CDH11: variants seen among roughly 807,000 people sequenced by gnomAD.
The protein encoded by CDH11 is cadherin-11.
Under a neutral mutation model 67.8 loss-of-function variants are expected in CDH11, and 11 were observed. The ratio of observed to expected loss-of-function variants is 0.16; its 90% CI spans 0.10 to 0.27. The LOEUF (loss-of-function observed/expected upper bound fraction) is 0.27. Ranked by LOEUF, CDH11 falls within the 10% of genes least tolerant of loss-of-function variation. The probability of loss-of-function intolerance (pLI) is 1.00; values close to 1 mark genes in which losing one functional copy is unlikely to be tolerated. For synonymous variants in CDH11, 419 were observed against 400.0 expected (o/e 1.05, Z -0.57); for missense variants, 847 against 1,031.2 (o/e 0.82, Z 2.45).
At chr16:65,028,327 G>T (rs953994552) in intron 2 of CDH11, among the ~76,000 whole-genome samples, 1 of 151,980 alleles carries the variant, frequency 6.6e-6, no homozygotes, top group Non-Finnish European at 1.5e-5. Flanking sequence ...GGGTCCTGTC[G>T]GGGCAGAGGA....
chr16:64,948,018 T>A lies in CDH11; in HGVS notation c.1976A>T (p.Asn659Ile), dbSNP rs762560368. Residue 659 changes from asparagine to isoleucine, a missense_variant, in exon 13 of 13, where the codon AAC becomes ATC. By Grantham distance (149) the Asn-to-Ile change is moderately radical (BLOSUM62 -3). Transcript: ENST00000268603. The stretch of plus-strand genomic sequence containing the variant: ...CCCTTCATCATCATAAGTAATGATG[T>A]TCTCACGGACATCTTCTTCCTCAAA... ...IVFEEEDVRE[N>I]IITYDDEGGG... 1 of 1,614,130 alleles carries A rather than the reference T, an allele frequency of 6.2e-7. No homozygotes were observed. The highest frequency in any genetic ancestry group is 1.7e-5 in the Admixed American group (1 of 60,022).
In CDH11 at chr16:65,039,524, G is replaced by C. The variant is rs539492234; in HGVS notation, c.-173+14280C>G. Among the ~76,000 whole-genome samples the C allele has an allele frequency of 5.3e-5, 8 of 152,290 alleles. No individual in the cohort carries two copies. In the East Asian group the frequency reaches 7.7e-4, roughly 15 times the overall value. On this transcript the variant is annotated intron_variant, in intron 2 of 12. Coordinates refer to ENST00000268603, the MANE Select transcript of CDH11 (RefSeq NM_001797.4). ...GCTAGCCATATGTAGAAAGCTGAAA[G>C]TGGATCCCTTCCTTACACCTTCTAC...
At chr16:65,066,798 G>A (rs995702564) in intron 1 of CDH11, among the ~76,000 whole-genome samples, 2 of 152,210 alleles carry the variant, frequency 1.3e-5, no homozygotes, top group African/African-American at 4.8e-5. Context: ...CAGAAACTCT[G>A]TCATCTGCAT....
At chr16:65,085,376 C>T (rs1487467502) in intron 1 of CDH11, among the ~76,000 whole-genome samples, 1 of 152,200 alleles carries the variant, frequency 6.6e-6, no homozygotes, top group African/African-American at 2.4e-5. Context: ...TCTCCACAAG[C>T]TTGAGGTTCC....
At chr16:65,060,223 C>T (rs937355391) in intron 1 of CDH11, among the ~76,000 whole-genome samples, 3 of 151,988 alleles carry the variant, frequency 2.0e-5, no homozygotes, top group Non-Finnish European at 2.9e-5. Flanking sequence ...TCTAGATTTC[C>T]CTTGCTCCAA....
At position 64,944,425 on chromosome 16, in the gene CDH11, G is replaced by C. The variant is rs2071160233; in HGVS notation, c.*3178C>G. On this transcript the variant is annotated 3_prime_UTR_variant, in exon 13 of 13. Transcript: ENST00000268603. The stretch of plus-strand genomic sequence containing the variant: ...TGACCTTTGCAAAAGCCCTCCTGGG[G>C]CACACCTCTGGGTTTATATGCTCCT... 4.3e-6 allele frequency: 1 copy of C among 232,686 alleles called. No individual in the cohort carries two copies. Among genetic ancestry groups the C allele is most frequent in the East Asian group, 6.1e-5 (1 of 16,528 alleles). The allele number at this position is 232,686 out of a possible 1,614,324, so 14.4% of individuals were successfully genotyped here. A position where few individuals can be genotyped will look rare whatever the true frequency, so the allele number is the denominator to read the frequency against.
chr16:64,989,263 T>C (rs1311625391), intron 6 of CDH11, among the ~76,000 whole-genome samples: 1 of 151,716 alleles, frequency 6.6e-6, no homozygotes, highest in Non-Finnish European at 1.5e-5. Flanking sequence ...CCATGAGTGA[T>C]TGTGTGGGCA....
At chr16:65,017,198 T>C (rs2073328566) in intron 2 of CDH11, among the ~76,000 whole-genome samples, 1 of 152,128 alleles carries the variant, frequency 6.6e-6, no homozygotes, top group Non-Finnish European at 1.5e-5. Context: ...GAAGAATGCC[T>C]AACCTCCTGG....
intron 11 of CDH11, among the ~76,000 whole-genome samples, chr16:64,953,712 GTA>G (rs2071426219): frequency 6.6e-6 from 1 of 151,864 alleles, no homozygotes. Context: ...TTCTCTTCTT[GTA>G]TATGTTTTCA....
At chr16:65,038,206 G>A (rs984463087) in intron 2 of CDH11, among the ~76,000 whole-genome samples, 5 of 152,046 alleles carry the variant, frequency 3.3e-5, no homozygotes, top group African/African-American at 1.2e-4. Context: ...GCTCTGGCAG[G>A]GGGATTACAA....
chr16:64,976,957 C>T (rs2072190615), intron 8 of CDH11, among the ~76,000 whole-genome samples: 1 of 152,064 alleles, frequency 6.6e-6, no homozygotes, highest in African/African-American at 2.4e-5. Flanking sequence ...TTTTGGGGAG[C>T]TGAGCCAGGA....
intron 1 of CDH11, chr16:65,072,217 C>G (rs1209177419): frequency 6.6e-6 from 1 of 152,572 alleles, no homozygotes; most frequent in Non-Finnish European, 1.5e-5. Context: ...CAGCTTTGTT[C>G]TGGACAGACG....
rs2071164001 is a variant in CDH11, at chr16:64,944,650, T to G, written c.*2953A>C. The G allele has an allele frequency of 4.3e-6, 1 of 231,510 alleles. No individual in the cohort carries two copies. Among genetic ancestry groups the G allele is most frequent in the South Asian group, 1.8e-4 (1 of 5,518 alleles). The allele number at this position is 231,510 out of a possible 1,614,324, so 14.3% of individuals were successfully genotyped here. On this transcript the variant is annotated 3_prime_UTR_variant, in exon 13 of 13. Transcript: ENST00000268603. ...ACATACAGAGCCATGATCTCTATAT[T>G]TTTAAGCAATTCTCCAAGAGGTGCA...
intron 7 of CDH11, among the ~76,000 whole-genome samples, chr16:64,983,653 A>G (rs139035148): frequency 1.3e-5 from 2 of 152,292 alleles, no homozygotes; most frequent in East Asian, 3.9e-4. Flanking sequence ...ATCTTCCCAG[A>G]GTCAGGAAAC....
chr16:65,091,792 C>A (rs2074797431), intron 1 of CDH11, among the ~76,000 whole-genome samples: 1 of 152,216 alleles, frequency 6.6e-6, no homozygotes, highest in Admixed American at 6.5e-5. Flanking sequence ...ACCTCGTGAT[C>A]CACCCGAGAT....
upstream of CDH11, among the ~76,000 whole-genome samples, chr16:65,123,391 A>T (rs1276199725): frequency 6.6e-6 from 1 of 151,920 alleles, no homozygotes; most frequent in African/African-American, 2.4e-5. Flanking sequence ...CTGCGGAGGG[A>T]AAGCTGGGCG....
chr16:65,052,458 G>A (rs1370206607), intron 2 of CDH11, among the ~76,000 whole-genome samples: 4 of 152,188 alleles, frequency 2.6e-5, no homozygotes, highest in African/African-American at 4.8e-5. Flanking sequence ...CTTATGAGGT[G>A]AGAGAGATTA....
At chr16:65,107,692 T>C (rs2075087175) in intron 1 of CDH11, among the ~76,000 whole-genome samples, 1 of 152,210 alleles carries the variant, frequency 6.6e-6, no homozygotes, top group Admixed American at 6.5e-5. Flanking sequence ...GCTTATAAAC[T>C]CTGCTCGGGC....
rs1029075626 is a variant in CDH11 at position 65,121,944 on chromosome 16, G to C, written c.-362C>G. 5.7e-6 allele frequency: 4 copies of C among 701,830 alleles called. No individual in the cohort carries two copies. Among genetic ancestry groups the C allele is most frequent in the Middle Eastern group, 2.3e-4 (1 of 4,358 alleles). The allele number at this position is 701,830 out of a possible 1,614,324, so 43.5% of individuals were successfully genotyped here. A position where few individuals can be genotyped will look rare whatever the true frequency, so the allele number is the denominator to read the frequency against. ...GTCCCTGGCGCAGGGCAAGCGCTGC[G>C]GTGTCAGTCCCGGCCCCAGTCCCGG... is the stretch of plus-strand genomic sequence containing the variant. On this transcript the variant is annotated 5_prime_UTR_variant, in exon 1 of 13. Coordinates refer to ENST00000268603, the MANE Select transcript of CDH11 (RefSeq NM_001797.4). This position sits in a 1 kb window ranked among gnomAD's most constrained non-coding sequence, Gnocchi z 4.1.
Sources: gnomAD v4.1 joint callset for allele counts (sites outside exome capture counted in the v4.1 genomes callset) on GRCh38, gnomAD v4.1.1 for gene constraint, Gnocchi (gnomAD v3.1) non-coding constraint, MANE v1.5 for transcripts, NCBI Gene and HGNC (gene_info 2026-07-23, HGNC 2026-07-21) for gene names.